CSMD3: variants seen among roughly 807,000 people sequenced by gnomAD.
CSMD3 encodes the protein CUB and Sushi multiple domains 3.
A neutral mutation model predicts 435.2 loss-of-function variants in CSMD3; 177 were observed. The ratio of observed to expected loss-of-function variants is 0.41; its 90% CI spans 0.36 to 0.46. The LOEUF is 0.46. Among genes scored for constraint, CSMD3 ranks in the 20% least tolerant of loss-of-function variants. CSMD3 has a pLI of 0.34. For missense variants in CSMD3, 4,265 were observed against 4,504.6 expected (o/e 0.95, Z 1.52); for synonymous variants, 1,656 against 1,520.5 (o/e 1.09, Z -2.07).
intron 4 of CSMD3, among the ~76,000 whole-genome samples, chr8:113,156,837 G>A (rs1177017130): frequency 1.3e-5 from 2 of 151,838 alleles, no homozygotes; most frequent in Non-Finnish European, 2.9e-5. Context: ...AGGCTGAGGT[G>A]GGAGGATCAC....
intron 12 of CSMD3, among the ~76,000 whole-genome samples, chr8:112,810,515 T>G (rs1048869501): frequency 6.6e-6 from 1 of 152,152 alleles, no homozygotes; most frequent in Non-Finnish European, 1.5e-5. Flanking sequence ...TTGCAGAGAT[T>G]TAATTGACTG....
At chr8:112,307,173 G>C (rs1223687219) in intron 50 of CSMD3, among the ~76,000 whole-genome samples, 2 of 151,910 alleles carry the variant, frequency 1.3e-5, no homozygotes, top group Non-Finnish European at 2.9e-5. Context: ...CGCCTGGCTG[G>C]AGTGCGGTGG....
chr8:113,025,253 G>A (rs1354847939), intron 5 of CSMD3, among the ~76,000 whole-genome samples: 1 of 152,072 alleles, frequency 6.6e-6, no homozygotes, highest in African/African-American at 2.4e-5. Flanking sequence ...TTATGTGGTA[G>A]TTTTGGTAAA....
chr8:113,024,843 T>C (rs143774099), intron 5 of CSMD3, among the ~76,000 whole-genome samples: 3 of 152,280 alleles, frequency 2.0e-5, no homozygotes, highest in East Asian at 1.9e-4. Flanking sequence ...ATGTACATTG[T>C]ACCTATCAAG....
At chr8:113,416,105 C>T (rs1458233643) in intron 1 of CSMD3, among the ~76,000 whole-genome samples, 2 of 151,824 alleles carry the variant, frequency 1.3e-5, no homozygotes, top group Non-Finnish European at 2.9e-5. Context: ...CCTTTGTTAT[C>T]CTGGAACTTC....
At chr8:113,251,750 C>T (rs1242511301) in intron 3 of CSMD3, among the ~76,000 whole-genome samples, 1 of 151,948 alleles carries the variant, frequency 6.6e-6, no homozygotes, top group Non-Finnish European at 1.5e-5. Flanking sequence ...GAGCCAGAGA[C>T]CTGCCAGGAA....
At chr8:112,229,793 T>G (rs960598659) in intron 69 of CSMD3, among the ~76,000 whole-genome samples, 1 of 151,578 alleles carries the variant, frequency 6.6e-6, no homozygotes, top group East Asian at 1.9e-4. Flanking sequence ...CCCAGTGATA[T>G]GACATGAGAT....
chr8:113,242,992 T>C (rs917532283), intron 3 of CSMD3, among the ~76,000 whole-genome samples: 14 of 151,968 alleles, frequency 9.2e-5, no homozygotes, highest in Non-Finnish European at 1.6e-4. Flanking sequence ...CTAGCACAAA[T>C]AAATAAAAGA....
intron 38 of CSMD3, among the ~76,000 whole-genome samples, chr8:112,371,214 C>T (rs1011108430): frequency 2.0e-5 from 3 of 152,180 alleles, no homozygotes; most frequent in Non-Finnish European, 4.4e-5. Context: ...ACATATACTG[C>T]TCCTCTGAAG....
Position 112,571,738 on chromosome 8 carries a change from G to A in CSMD3, c.4042+1763C>T, listed in dbSNP as rs989605184. ...ACAAAAATTAGCCAGGCATGGTGGC[G>A]GGTGCCTGTAATCCCAGCTACTAGG... is the stretch of plus-strand genomic sequence containing the variant. On this transcript the variant is annotated intron_variant, in intron 24 of 70. Coordinates refer to ENST00000297405, the MANE Select transcript of CSMD3 (RefSeq NM_198123.2). Among the ~76,000 whole-genome samples, 6 of 151,648 alleles carry A rather than the reference G, an allele frequency of 4.0e-5. No individual in the cohort carries two copies. The East Asian group carries it at 5.9e-4, about 15-fold the overall frequency.
intron 13 of CSMD3, among the ~76,000 whole-genome samples, chr8:112,693,685 CT>C (rs200462490): frequency 0.025 from 3,778 of 151,610 alleles, 79 homozygotes; most frequent in East Asian, 0.074. Flanking sequence ...TACCTTGTAA[CT>C]TTTTTTTCAG....
intron 3 of CSMD3, among the ~76,000 whole-genome samples, chr8:113,261,220 A>G (rs2093424636): frequency 6.6e-6 from 1 of 152,142 alleles, no homozygotes; most frequent in Admixed American, 6.6e-5. Flanking sequence ...ACTTACCAAA[A>G]TAATAATCTG....
chr8:113,155,649 T>C (rs1311025578), intron 4 of CSMD3, among the ~76,000 whole-genome samples: 2 of 152,076 alleles, frequency 1.3e-5, no homozygotes, highest in African/African-American at 2.4e-5. Flanking sequence ...GAATATATAT[T>C]TGAAATTAAT....
chr8:112,258,561 T>C (rs2130319329), intron 61 of CSMD3, among the ~76,000 whole-genome samples: 1 of 152,230 alleles, frequency 6.6e-6, no homozygotes, highest in Non-Finnish European at 1.5e-5. Flanking sequence ...GAAATGCAAC[T>C]CAAAACCACA....
intron 10 of CSMD3, among the ~76,000 whole-genome samples, chr8:112,921,217 C>A (rs2130625771): frequency 6.6e-6 from 1 of 151,952 alleles, no homozygotes; most frequent in Middle Eastern, 3.4e-3. Flanking sequence ...AACTGTAGAA[C>A]CTGTGCTCTA....
intron 36 of CSMD3, among the ~76,000 whole-genome samples, chr8:112,386,430 TTTG>T (rs756593827): frequency 3.3e-5 from 5 of 152,086 alleles, no homozygotes; most frequent in Non-Finnish European, 5.9e-5. Flanking sequence ...TGCTATGAGA[TTTG>T]TTAAGGGACT....
intron 10 of CSMD3, among the ~76,000 whole-genome samples, chr8:112,915,826 T>G (rs1392492800): frequency 6.6e-6 from 1 of 151,846 alleles, no homozygotes; most frequent in Non-Finnish European, 1.5e-5. Context: ...TTTATTAAAA[T>G]TTTTAAAAAT....
chr8:112,453,218 C>T (rs1183202949), intron 32 of CSMD3, among the ~76,000 whole-genome samples: 1 of 152,074 alleles, frequency 6.6e-6, no homozygotes, highest in Non-Finnish European at 1.5e-5. Context: ...CAAAAGTATG[C>T]TTATTCTCAC....
intron 2 of CSMD3, among the ~76,000 whole-genome samples, chr8:113,307,482 A>G (rs1325469665): frequency 1.3e-5 from 2 of 152,136 alleles, no homozygotes; most frequent in Admixed American, 1.3e-4. Context: ...GCAAATATTT[A>G]TTGTACTACC....
Sources: gnomAD v4.1 joint callset for allele counts (sites outside exome capture counted in the v4.1 genomes callset) on GRCh38, gnomAD v4.1.1 for gene constraint, MANE v1.5 for transcripts, NCBI Gene and HGNC (gene_info 2026-07-23, HGNC 2026-07-21) for gene names.